Variants in USP7 observed in about 807,000 individuals in gnomAD.
USP7 encodes ubiquitin specific peptidase 7.
Under a neutral mutation model 162.9 loss-of-function variants are expected in USP7, and 9 were observed. The observed-to-expected ratio is 0.06, with a 90% confidence interval of 0.03 to 0.10. The LOEUF is 0.10. Ranked by LOEUF, USP7 falls within the 10% of genes least tolerant of loss-of-function variation. The probability of loss-of-function intolerance (pLI) is 1.00; values close to 1 mark genes in which losing one functional copy is unlikely to be tolerated. For missense variants in USP7, 715 were observed against 1,373.7 expected (o/e 0.52, Z 7.58); for synonymous variants, 562 against 475.9 (o/e 1.18, Z -2.35).
At chr16:8,901,308 A>T (rs1397400019) in intron 18 of USP7, 74 bp from the exon 19 acceptor site, 2 of 953,364 alleles carry the variant, frequency 2.1e-6, no homozygotes, top group Non-Finnish European at 3.0e-6. Flanking sequence ...AAAAACAAAC[A>T]AACAAAAAAA....
intron 25 of USP7, 127 bp downstream of exon 25, chr16:8,898,233 G>GC: frequency 1.2e-6 from 1 of 819,788 alleles, no homozygotes; most frequent in Non-Finnish European, 1.9e-6. Context: ...GGCTCCCCCA[G>GC]CCCCCATCAT....
intron 11 of USP7, 75 bp downstream of exon 11, chr16:8,910,670 T>A (rs1173353203): frequency 1.4e-6 from 2 of 1,394,044 alleles, no homozygotes; most frequent in East Asian, 4.6e-5. Flanking sequence ...AAGCAAATTT[T>A]TATTTAGCAA....
chr16:8,929,249 A>C (rs1852549843), intron 2 of USP7: 2 of 336,612 alleles, frequency 5.9e-6, no homozygotes, highest in East Asian at 8.0e-5. Context: ...CAGATGTCTA[A>C]AGTAAAACCT....
At chr16:8,919,811 G>T (rs756503862) in intron 5 of USP7, among the ~76,000 whole-genome samples, 2 of 152,096 alleles carry the variant, frequency 1.3e-5, no homozygotes, top group South Asian at 2.1e-4. Flanking sequence ...CACCAAGCGG[G>T]ACCAGTGCTG....
chr16:8,951,249 A>G (rs1899532656), intron 1 of USP7, among the ~76,000 whole-genome samples: 2 of 782 alleles, frequency 2.6e-3, no homozygotes, highest in Non-Finnish European at 0.025. Context: ...CATCATATAT[A>G]TATTTAATCT....
chr16:8,939,502 C>T (rs1898933382), intron 1 of USP7, among the ~76,000 whole-genome samples: 1 of 152,150 alleles, frequency 6.6e-6, no homozygotes, highest in Admixed American at 6.6e-5. Context: ...TTGGACTGGT[C>T]CTGGTTTCTA....
intron 21 of USP7, chr16:8,900,085 T>G (rs1596353478): frequency 2.4e-6 from 1 of 417,972 alleles, no homozygotes; most frequent in Non-Finnish European, 4.3e-6. Context: ...TGACAGGTGG[T>G]GGAGCCCAGT....
At chr16:8,917,440 G>A (rs192592277) in intron 6 of USP7, among the ~76,000 whole-genome samples, 68 of 152,324 alleles carry the variant, frequency 4.5e-4, no homozygotes, top group Non-Finnish European at 2.5e-4. Context: ...GTGCAGTGGC[G>A]CGACCTCAGC....
Position 8,897,723 on chromosome 16 carries a change from A to AT in USP7, c.2719-625_2719-624insA, listed in dbSNP as rs59410912. ...CAAAAAAAAAAAAAAAAAAAAAAAA[A>AT]AAAATATATATATATATATATATAA... On this transcript the variant is annotated intron_variant, in intron 25 of 30. Transcript: ENST00000344836. Among the ~76,000 whole-genome samples the AT allele has an allele frequency of 9.1e-3, 392 of 43,170 alleles. 10 individuals are homozygous for AT. Among genetic ancestry groups the AT allele is most frequent in the Middle Eastern group, 0.023 (2 of 88 alleles). The allele number at this position is 43,170 out of a possible 152,430, so 28.3% of individuals were successfully genotyped here.
At chr16:8,900,445 C>G (rs776580230) in intron 21 of USP7, 85 bp downstream of exon 21, 1 of 962,388 alleles carries the variant, frequency 1.0e-6, no homozygotes, top group Non-Finnish European at 1.5e-6. Context: ...GGCTCGGGAT[C>G]TAGGTACAAA....
chr16:8,903,129 C>T (rs1257552216), intron 16 of USP7, 139 bp downstream of exon 16: 5 of 1,168,070 alleles, frequency 4.3e-6, no homozygotes, highest in African/African-American at 1.6e-5. Flanking sequence ...AGGAAATGTT[C>T]CTGGGTCACA....
intron 1 of USP7, among the ~76,000 whole-genome samples, chr16:8,941,313 G>C (rs928717089): frequency 6.6e-6 from 1 of 152,206 alleles, no homozygotes. Context: ...GCTACCATTA[G>C]CTAGGATTTC....
intron 1 of USP7, among the ~76,000 whole-genome samples, chr16:8,932,653 T>C (rs780663126): frequency 6.6e-6 from 1 of 152,304 alleles, no homozygotes; most frequent in South Asian, 2.1e-4. Context: ...TACTCTGAAA[T>C]GTCTTTCATC....
intron 1 of USP7, among the ~76,000 whole-genome samples, chr16:8,956,758 G>A (rs1023669592): frequency 3.4e-5 from 5 of 145,252 alleles, no homozygotes; most frequent in East Asian, 2.0e-4. Flanking sequence ...TTAAGACTTC[G>A]TATTAAAAAA....
At chr16:8,913,647 A>G (rs2061984886) in intron 10 of USP7, among the ~76,000 whole-genome samples, 1 of 152,114 alleles carries the variant, frequency 6.6e-6, no homozygotes, top group South Asian at 2.1e-4. Flanking sequence ...GACCCGCACT[A>G]AATGATTCCT....
At chr16:8,939,377 C>T (rs1026094332) in intron 1 of USP7, among the ~76,000 whole-genome samples, 9 of 152,210 alleles carry the variant, frequency 5.9e-5, no homozygotes, top group Non-Finnish European at 1.5e-5. Context: ...TTGTTCCTTT[C>T]TCCTGTACTC....
intron 1 of USP7, among the ~76,000 whole-genome samples, chr16:8,952,775 C>A (rs866224780): frequency 6.6e-6 from 1 of 152,100 alleles, no homozygotes; most frequent in Admixed American, 6.5e-5. Context: ...CCTCTAGTCA[C>A]AGAGTCTGGC....
chr16:8,914,696 T>C (rs551928456), intron 10 of USP7, among the ~76,000 whole-genome samples: 13 of 151,998 alleles, frequency 8.6e-5, no homozygotes, highest in African/African-American at 2.4e-4. Context: ...GGCAGGAAGG[T>C]TGCTTAAACC....
chr16:8,935,968 G>A (rs1050262607), intron 1 of USP7: 2 of 152,174 alleles, frequency 1.3e-5, no homozygotes, highest in Non-Finnish European at 2.9e-5. Flanking sequence ...TAACAGATCA[G>A]AATAAGCAAG....
Sources: gnomAD v4.1 joint callset for allele counts (sites outside exome capture counted in the v4.1 genomes callset) on GRCh38, gnomAD v4.1.1 for gene constraint, MANE v1.5 for transcripts, NCBI Gene and HGNC (gene_info 2026-07-23, HGNC 2026-07-21) for gene names.